SFXN1: variants seen among roughly 807,000 people sequenced by gnomAD.
SFXN1 encodes the protein sideroflexin-1.
A neutral mutation model predicts 39.5 loss-of-function variants in SFXN1; 32 were observed. The ratio of observed to expected loss-of-function variants is 0.81; its 90% confidence interval spans 0.61 to 1.09. SFXN1 has a LOEUF of 1.09. Ranked by LOEUF, SFXN1 falls within the 50% of genes least tolerant of loss-of-function variation. The pLI is 0.00. For missense variants in SFXN1, 402 were observed against 407.1 expected (o/e 0.99, Z 0.11); for synonymous variants, 136 against 146.5 (o/e 0.93, Z 0.52).
At chr5:175,501,944 T>G (rs1760098981) in intron 2 of SFXN1, among the ~76,000 whole-genome samples, 1 of 152,188 alleles carries the variant, frequency 6.6e-6, no homozygotes, top group South Asian at 2.1e-4. Flanking sequence ...ATTATTCAAA[T>G]CAGTCTCCCC....
At chr5:175,494,616 G>T (rs988601061) in intron 2 of SFXN1, among the ~76,000 whole-genome samples, 2 of 152,064 alleles carry the variant, frequency 1.3e-5, no homozygotes, top group African/African-American at 4.8e-5. Context: ...GCTGGGCGTG[G>T]TGGTGCATGT....
chr5:175,508,950 A>G, intron 2 of SFXN1, 82 bp from the exon 3 acceptor site: 1 of 1,393,508 alleles, frequency 7.2e-7, no homozygotes, highest in Non-Finnish European at 9.7e-7. Flanking sequence ...ATAAACTTTT[A>G]AAACCTTGTA....
Position 175,516,642 on chromosome 5 carries a change from G to A in SFXN1, c.753G>A (p.Leu251=). Residue 251 remains leucine, a synonymous_variant, in exon 8 of 11, where the codon TTG becomes TTA. Transcript: ENST00000321442. The part of the protein sequence containing the change: ...MAIPPFIMNT[L]EKKAFLKRFP... ...TCCCTCCATTCATTATGAACACTTT[G>A]GAAAAGAAAGCCTTTTTGAAGGTAA... 1 of 1,612,858 alleles carries A rather than the reference G, an allele frequency of 6.2e-7. No individual in the cohort carries two copies. The highest frequency in any genetic ancestry group is 8.5e-7 in the Non-Finnish European group (1 of 1,179,498).
chr5:175,511,437 T>A lies in SFXN1; in HGVS notation c.435-14T>A, dbSNP rs143270066. On this transcript the variant is annotated splice_polypyrimidine_tract_variant and intron_variant, in intron 4 of 10. Transcript: ENST00000321442. ...TGCCCTCGTCGTCCACACGATATCC[T>A]TTTTTCTTTTCAGTGAGTTGGGAAC... 4.3e-6 allele frequency: 7 copies of A among 1,611,500 alleles called. No individual in the cohort carries two copies. The highest frequency in any genetic ancestry group is 1.1e-5 in the South Asian group (1 of 90,952).
At chr5:175,479,211 C>T (rs1759141609) in intron 1 of SFXN1, among the ~76,000 whole-genome samples, 1 of 152,232 alleles carries the variant, frequency 6.6e-6, no homozygotes, top group African/African-American at 2.4e-5. Flanking sequence ...ACGCTTTTCT[C>T]CTGAACTTTC....
intron 10 of SFXN1, chr5:175,523,611 T>C (rs1760945434): frequency 6.6e-6 from 1 of 152,202 alleles, no homozygotes; most frequent in Admixed American, 6.5e-5. Context: ...TGAAAACCCA[T>C]AGAGAAACTT....
chr5:175,508,195 A>G (rs1309585155), intron 2 of SFXN1, among the ~76,000 whole-genome samples: 1 of 148,148 alleles, frequency 6.8e-6, no homozygotes, highest in East Asian at 2.0e-4. Flanking sequence ...TTTCCAAACT[A>G]CAGATAATTT....
rs1761088357 is a variant in SFXN1 at position 175,527,026 on chromosome 5, A to C, written c.*292A>C. 2.6e-6 allele frequency: 1 copy of C among 389,916 alleles called. No individual in the cohort carries two copies. Among genetic ancestry groups the C allele is most frequent in the Non-Finnish European group, 4.6e-6 (1 of 216,024 alleles). The allele number at this position is 389,916 out of a possible 1,614,324, so 24.2% of individuals were successfully genotyped here. On this transcript the variant is annotated 3_prime_UTR_variant, in exon 11 of 11. Coordinates refer to ENST00000321442, the MANE Select transcript of SFXN1 (RefSeq NM_022754.7). ...CCAGCCCTCACCCAGGTTTTAAAAAAGCACTGGTAGGCATAGAATAGGTGC... is the reference window on the plus strand; with the variant it reads ...CCAGCCCTCACCCAGGTTTTAAAAACGCACTGGTAGGCATAGAATAGGTGC...
At chr5:175,488,398 G>A (rs1759529732) in intron 1 of SFXN1, among the ~76,000 whole-genome samples, 1 of 151,496 alleles carries the variant, frequency 6.6e-6, no homozygotes, top group Non-Finnish European at 1.5e-5. Context: ...CGCCTCCCAG[G>A]TTCAAGCCAC....
intron 2 of SFXN1, among the ~76,000 whole-genome samples, chr5:175,504,944 G>A (rs1255661411): frequency 6.6e-6 from 1 of 152,006 alleles, no homozygotes; most frequent in Non-Finnish European, 1.5e-5. Context: ...TAGCCAGAAT[G>A]GTCTTGATCT....
chr5:175,501,323 C>A (rs1440927896), intron 2 of SFXN1, among the ~76,000 whole-genome samples: 1 of 152,072 alleles, frequency 6.6e-6, no homozygotes, highest in Non-Finnish European at 1.5e-5. Flanking sequence ...CCGCCTCGGC[C>A]CCCGAAAGTG....
At chr5:175,505,209 C>T (rs1013921031) in intron 2 of SFXN1, among the ~76,000 whole-genome samples, 2 of 151,890 alleles carry the variant, frequency 1.3e-5, no homozygotes, top group African/African-American at 2.4e-5. Flanking sequence ...CGATTTCAGT[C>T]AAATTACAAC....
intron 2 of SFXN1, among the ~76,000 whole-genome samples, chr5:175,495,969 C>G (rs1467629365): frequency 1.4e-4 from 20 of 146,446 alleles, no homozygotes; most frequent in Non-Finnish European, 2.5e-4. Flanking sequence ...GGCGCAATCT[C>G]GGCTCACAGC....
intron 3 of SFXN1, among the ~76,000 whole-genome samples, chr5:175,509,715 A>G (rs1162083221): frequency 3.3e-5 from 5 of 151,802 alleles, no homozygotes; most frequent in African/African-American, 1.2e-4. Context: ...AGGCACATTA[A>G]AGGTGTATGT....
chr5:175,489,721 A>T (rs1481247425), intron 1 of SFXN1, among the ~76,000 whole-genome samples: 1 of 152,162 alleles, frequency 6.6e-6, no homozygotes, highest in East Asian at 1.9e-4. Flanking sequence ...AGAGCTTTTT[A>T]AAAAGACAAA....
At chr5:175,488,075 T>A (rs1223141776) in intron 1 of SFXN1, among the ~76,000 whole-genome samples, 3 of 152,090 alleles carry the variant, frequency 2.0e-5, no homozygotes, top group Non-Finnish European at 4.4e-5. Flanking sequence ...GCCAGAGAGA[T>A]CCTTTTAAAT....
At chr5:175,513,071 C>A (rs1299028879) in intron 6 of SFXN1, among the ~76,000 whole-genome samples, 1 of 151,920 alleles carries the variant, frequency 6.6e-6, no homozygotes, top group Non-Finnish European at 1.5e-5. Context: ...GAGGCCGAGG[C>A]GAGTGGATCA....
chr5:175,501,056 G>A (rs1760058035), intron 2 of SFXN1, among the ~76,000 whole-genome samples: 1 of 148,484 alleles, frequency 6.7e-6, no homozygotes, highest in Non-Finnish European at 1.5e-5. Context: ...CTTTGATATG[G>A]GCAAAGATTT....
chr5:175,513,502 G>C lies in SFXN1; in HGVS notation c.636G>C (p.Gly212=), dbSNP rs757195521. Residue 212 remains glycine, a synonymous_variant, in exon 7 of 11, where the codon GGG becomes GGC. Coordinates refer to ENST00000321442, the MANE Select transcript of SFXN1 (RefSeq NM_022754.7). ...KVGIPVTDEN[G]NRLGESANAA... The stretch of plus-strand genomic sequence containing the variant: ...GCATTCCCGTCACGGATGAGAATGG[G>C]AACCGCTTGGGGGAGTCGGCGAACG... 1 of 1,613,920 alleles carries C rather than the reference G, an allele frequency of 6.2e-7. No homozygotes were observed. Among genetic ancestry groups the C allele is most frequent in the South Asian group, 1.1e-5 (1 of 91,052 alleles).
Sources: gnomAD v4.1 joint callset for allele counts (sites outside exome capture counted in the v4.1 genomes callset) on GRCh38, gnomAD v4.1.1 for gene constraint, MANE v1.5 for transcripts, NCBI Gene and HGNC (gene_info 2026-07-23, HGNC 2026-07-21) for gene names.